The following SNX9 variants were observed in gnomAD, a reference collection of about 807,000 sequenced individuals.
The protein encoded by SNX9 is sorting nexin-9.
Under a neutral mutation model 89.4 loss-of-function variants are expected in SNX9, and 44 were observed. The ratio of observed to expected loss-of-function variants is 0.49; its 90% confidence interval spans 0.39 to 0.63. SNX9 has a LOEUF of 0.63. SNX9 is among the 30% of genes least tolerant of loss of function. SNX9 has a pLI of 0.00. For missense variants in SNX9, 578 were observed against 736.1 expected, an observed-to-expected ratio of 0.79 and a Z score of 2.49; for synonymous variants, 236 against 247.8, an observed-to-expected ratio of 0.95 and a Z score of 0.45.
chr6:157,888,141 A>G (rs946860133), intron 4 of SNX9, among the ~76,000 whole-genome samples: 1 of 152,192 alleles, frequency 6.6e-6, no homozygotes, highest in Admixed American at 6.5e-5. Context: ...GTTAGCTTCA[A>G]GTTGACCAGG....
chr6:157,836,257 C>G (rs540692973), intron 1 of SNX9, among the ~76,000 whole-genome samples: 243 of 152,142 alleles, frequency 1.6e-3, no homozygotes, highest in African/African-American at 5.6e-3. Flanking sequence ...GTGGAAACAT[C>G]TTGTGCACGT....
intron 1 of SNX9, among the ~76,000 whole-genome samples, chr6:157,828,080 G>A (rs1781415154): frequency 1.3e-5 from 2 of 152,082 alleles, no homozygotes; most frequent in Admixed American, 1.3e-4. Context: ...TTTATTTGAC[G>A]ACTAGAATAG....
intron 4 of SNX9, among the ~76,000 whole-genome samples, chr6:157,879,307 T>C (rs1037573445): frequency 1.3e-5 from 2 of 152,210 alleles, no homozygotes; most frequent in Admixed American, 1.3e-4. Context: ...AGTGGAAAGC[T>C]GAGCTTCCCT....
At chr6:157,844,648 C>T (rs919128314) in intron 1 of SNX9, among the ~76,000 whole-genome samples, 2 of 144,438 alleles carry the variant, frequency 1.4e-5, no homozygotes, top group Non-Finnish European at 3.0e-5. Context: ...GGCTGGAGTG[C>T]AGTGGTGCAA....
intron 5 of SNX9, among the ~76,000 whole-genome samples, chr6:157,898,497 G>A (rs563222756): frequency 3.3e-5 from 5 of 152,298 alleles, no homozygotes; most frequent in African/African-American, 1.2e-4. Flanking sequence ...CAGCTAACAC[G>A]TTTGTTTTAA....
At chr6:157,873,227 T>G (rs1782451168) in intron 3 of SNX9, 51 bp downstream of exon 3, 2 of 1,419,240 alleles carry the variant, frequency 1.4e-6, no homozygotes, top group African/African-American at 2.9e-5. Flanking sequence ...GCCAGGCATC[T>G]TTTTATGAAT....
At chr6:157,868,737 G>GT (rs543134133) in intron 2 of SNX9, among the ~76,000 whole-genome samples, 179 of 152,278 alleles carry the variant, frequency 1.2e-3, no homozygotes, top group African/African-American at 3.3e-3. Flanking sequence ...AACAAAAATT[G>GT]TATCAATTAA....
chr6:157,867,445 A>G, intron 1 of SNX9, 102 bp from the exon 2 acceptor site: 1 of 864,336 alleles, frequency 1.2e-6, no homozygotes, highest in Non-Finnish European at 1.8e-6. Flanking sequence ...AGCCACTATC[A>G]TGTTTGTACC....
chr6:157,823,321 CG>C lies in SNX9; in HGVS notation c.-110del. On this transcript the variant is annotated 5_prime_UTR_variant, in exon 1 of 18. Coordinates refer to ENST00000392185, the MANE Select transcript of SNX9 (RefSeq NM_016224.5). This position sits in a 1 kb window ranked among gnomAD's most constrained non-coding sequence, Gnocchi z 4.6. ...CGAGGCGGAGGAGCGGCCGCCGCGCCGGGGCCCAGCCGGAGCCGCCGCCCTC... is the reference window on the plus strand; with the variant it reads ...CGAGGCGGAGGAGCGGCCGCCGCGCCGGGCCCAGCCGGAGCCGCCGCCCTC... 7.3e-6 allele frequency: 7 copies of C among 960,346 alleles called. No homozygotes were observed. Among genetic ancestry groups the C allele is most frequent in the South Asian group, 3.6e-5 (1 of 28,096 alleles). 59.5% of individuals were successfully genotyped at this position (960,346 alleles called of 1,614,324 possible).
intron 2 of SNX9, among the ~76,000 whole-genome samples, chr6:157,870,984 G>T (rs1583209823): frequency 6.6e-6 from 1 of 152,266 alleles, no homozygotes; most frequent in East Asian, 1.9e-4. Context: ...GAGAACTGTG[G>T]CAGTGCCAAG....
chr6:157,924,424 ACT>A (rs1479074327), intron 10 of SNX9: 1 of 152,044 alleles, frequency 6.6e-6, no homozygotes, highest in Non-Finnish European at 1.5e-5. Context: ...AGTTTCTTTC[ACT>A]CTGAGTTTTG....
intron 4 of SNX9, among the ~76,000 whole-genome samples, chr6:157,883,886 T>C (rs993611734): frequency 2.0e-5 from 3 of 152,256 alleles, no homozygotes; most frequent in African/African-American, 7.2e-5. Flanking sequence ...ATTGTTAAGC[T>C]TGATAAGCAA....
chr6:157,932,974 C>T (rs1783845778), intron 13 of SNX9, among the ~76,000 whole-genome samples: 1 of 149,754 alleles, frequency 6.7e-6, no homozygotes, highest in Non-Finnish European at 1.5e-5. Flanking sequence ...CTCCTTAACT[C>T]ATAACTGTTT....
chr6:157,848,052 C>G (rs1175446328), intron 1 of SNX9, among the ~76,000 whole-genome samples: 1 of 152,106 alleles, frequency 6.6e-6, no homozygotes, highest in East Asian at 1.9e-4. Context: ...TGTCGCATCA[C>G]CTGATTAACT....
chr6:157,909,566 G>T, intron 7 of SNX9, 99 bp from the exon 8 acceptor site: 1 of 1,396,108 alleles, frequency 7.2e-7, no homozygotes, highest in South Asian at 1.3e-5. Flanking sequence ...CCCTCCAAAG[G>T]ACTTCTCATT....
At chr6:157,917,570 T>C (rs1783498418) in intron 9 of SNX9, among the ~76,000 whole-genome samples, 1 of 152,138 alleles carries the variant, frequency 6.6e-6, no homozygotes, top group Admixed American at 6.5e-5. Context: ...TATACCTATA[T>C]CTCAGTATCT....
Position 157,943,012 on chromosome 6 carries a change from G to A in SNX9, c.*174G>A. 1 of 546,946 alleles carries A rather than the reference G, an allele frequency of 1.8e-6. No individual in the cohort carries two copies. Among genetic ancestry groups the A allele is most frequent in the Admixed American group, 3.7e-5 (1 of 26,830 alleles). The allele number at this position is 546,946 out of a possible 1,614,324, so 33.9% of individuals were successfully genotyped here. On this transcript the variant is annotated 3_prime_UTR_variant, in exon 18 of 18. Coordinates refer to ENST00000392185, the MANE Select transcript of SNX9 (RefSeq NM_016224.5). ...CACCCTAAATGCGTCAGTTATTTAG[G>A]GATGGTCTTTTGTTCATTTCCGCAT...
Position 157,921,524 on chromosome 6 carries a change from C to G in SNX9, c.950-7C>G, listed in dbSNP as rs758609126. ...GTTGTATGTCATTCTTGGTGTGTCG[C>G]TTGCAGGCCGCTTTGAAGAGGAATT... On this transcript the variant is annotated splice_polypyrimidine_tract_variant and splice_region_variant and intron_variant, in intron 9 of 17. Transcript: ENST00000392185. The G allele has an allele frequency of 4.3e-6, 7 of 1,612,420 alleles. No homozygotes were observed. The highest frequency in any genetic ancestry group is 5.9e-6 in the Non-Finnish European group (7 of 1,178,918).
intron 1 of SNX9, chr6:157,830,307 C>T (rs1781456986): frequency 1.3e-5 from 2 of 152,096 alleles, no homozygotes; most frequent in African/African-American, 2.4e-5. Flanking sequence ...GAAAATTACC[C>T]TGGTCTTGAA....
Sources: gnomAD v4.1 joint callset for allele counts (sites outside exome capture counted in the v4.1 genomes callset) on GRCh38, gnomAD v4.1.1 for gene constraint, Gnocchi (gnomAD v3.1) non-coding constraint, MANE v1.5 for transcripts, NCBI Gene and HGNC (gene_info 2026-07-23, HGNC 2026-07-21) for gene names.